The following PPM1F variants were observed in gnomAD, a reference collection of about 807,000 sequenced individuals.
PPM1F encodes protein phosphatase, Mg2+/Mn2+ dependent 1F.
PPM1F carries 17 observed loss-of-function variants against 35.5 expected under a neutral mutation model. That is an observed-to-expected ratio of 0.48 (90% CI 0.33 to 0.72). The LOEUF is 0.72. Among genes scored for constraint, PPM1F ranks in the 30% least tolerant of loss-of-function variants. The probability of loss-of-function intolerance (pLI) is 0.02; values close to 1 mark genes in which losing one functional copy is unlikely to be tolerated. For synonymous variants in PPM1F, 241 were observed against 255.5 expected (o/e 0.94, Z 0.54); for missense variants, 521 against 613.0 (o/e 0.85, Z 1.59).
intron 6 of PPM1F, 69 bp downstream of exon 6, chr22:21,931,079 G>T: frequency 6.3e-7 from 1 of 1,582,578 alleles, no homozygotes; most frequent in Non-Finnish European, 8.6e-7. Flanking sequence ...GGCTGGGTGG[G>T]GTTCCCCTAT....
At chr22:21,935,724 G>T (rs367575072) in intron 3 of PPM1F, 3 of 152,132 alleles carry the variant, frequency 2.0e-5, no homozygotes, top group Non-Finnish European at 4.4e-5. Context: ...CAGGCTGGGC[G>T]CCATGGCTCA....
chr22:21,939,563 GTCC>G lies in PPM1F; in HGVS notation c.321_323del (p.Glu107del), dbSNP rs749703356. ...CAGGGGCCTTTTCCTCCTCGTCATC[GTCC>G]TCCTCCTCTTCTTCTTCCTCCCTGG... On this transcript the variant is annotated inframe_deletion, in exon 3 of 8. Transcript: ENST00000263212. The surrounding 1 kb of genome is among the most constrained non-coding windows in gnomAD (Gnocchi z 5.1). The G allele has an allele frequency of 1.4e-4, 222 of 1,581,938 alleles. 1 individual carries two copies. The highest frequency in any genetic ancestry group is 1.1e-3 in the African/African-American group (80 of 74,546).
intron 3 of PPM1F, chr22:21,938,555 C>A: frequency 1.9e-6 from 2 of 1,046,628 alleles, no homozygotes; most frequent in Non-Finnish European, 2.3e-6. Flanking sequence ...CACGCATGCA[C>A]TAGTAATGCC....
intron 6 of PPM1F, chr22:21,926,171 C>T (rs1455292669): frequency 1.4e-5 from 2 of 145,742 alleles, no homozygotes; most frequent in African/African-American, 2.6e-5. Flanking sequence ...CTCGCTCTGT[C>T]ACCTGGCTGG....
At position 21,931,151 on chromosome 22, in the gene PPM1F, C is replaced by T; in HGVS notation, c.888G>A (p.Arg296=). The T allele has an allele frequency of 6.2e-7, 1 of 1,614,086 alleles. No homozygotes were observed. Among genetic ancestry groups the T allele is most frequent in the Non-Finnish European group, 8.5e-7 (1 of 1,179,964 alleles). Residue 296 remains arginine (R), a synonymous_variant, in exon 6 of 8, where the codon CGG becomes CGA. Transcript: ENST00000263212. ...VKLMEPHRPE[R]QDEKARIEAL... Reference sequence around the variant, plus strand: ...CTGGGCGCAGGGATCCCCTTACCTGCCGTTCTGGTCTGTGTGGCTCCATCA... The same window carrying T: ...CTGGGCGCAGGGATCCCCTTACCTGTCGTTCTGGTCTGTGTGGCTCCATCA...
chr22:21,928,306 G>C (rs968424764), intron 6 of PPM1F, among the ~76,000 whole-genome samples: 7 of 152,184 alleles, frequency 4.6e-5, no homozygotes, highest in Non-Finnish European at 1.0e-4. Flanking sequence ...CCTCTGCGAT[G>C]TCTCCACCTG....
intron 3 of PPM1F, 70 bp from the exon 4 acceptor site, chr22:21,934,296 G>A: frequency 7.3e-7 from 1 of 1,363,626 alleles, no homozygotes; most frequent in Non-Finnish European, 1.0e-6. Flanking sequence ...CTGGCTCCCT[G>A]ACAGCTCCCA....
intron 1 of PPM1F, chr22:21,951,416 T>A (rs1026645647): frequency 7.2e-6 from 1 of 139,658 alleles, no homozygotes; most frequent in African/African-American, 2.7e-5. Flanking sequence ...AGTGCAATGG[T>A]GGGATCTCAG....
chr22:21,933,460 G>T lies in PPM1F; in HGVS notation c.678C>A (p.Asp226Glu). Reference sequence around the variant, plus strand: ...AGGCTTCTCTGAGGGCTCCCTCAGGGTCTGTGGGCAGCTCTGGCTGGCGGG... The same window carrying T: ...AGGCTTCTCTGAGGGCTCCCTCAGGTTCTGTGGGCAGCTCTGGCTGGCGGG... ...NAARQPELPTDPEGALREAFR... is the reference protein window; with the variant it reads ...NAARQPELPTEPEGALREAFR... The change falls in exon 5 of 8, where the codon GAC becomes GAA. Residue 226 changes from aspartate to glutamate, a missense_variant. Around this residue, in one of 3 missense-constraint regions of PPM1F, gnomAD observed 311 missense variants for 351.5 expected, o/e 0.88. Coordinates refer to ENST00000263212, the MANE Select transcript of PPM1F (RefSeq NM_014634.4). 1.2e-6 allele frequency: 2 copies of T among 1,613,568 alleles called. No homozygotes were observed. The highest frequency in any genetic ancestry group is 1.7e-6 in the Non-Finnish European group (2 of 1,180,028).
At position 21,922,273 on chromosome 22, in the gene PPM1F, A is replaced by G. The variant is rs1246738515; in HGVS notation, c.*819T>C. On this transcript the variant is annotated 3_prime_UTR_variant, in exon 8 of 8. Coordinates refer to ENST00000263212, the MANE Select transcript of PPM1F (RefSeq NM_014634.4). ...ATAGCTTTAAAAAAGTAAATACTTA[A>G]GTTTTCTAAAGAATAAAATAAATGC... 1 of 152,612 alleles carries G rather than the reference A, an allele frequency of 6.6e-6. No homozygotes were observed. Among genetic ancestry groups the G allele is most frequent in the Non-Finnish European group, 1.5e-5 (1 of 68,048 alleles). 9.5% of individuals were successfully genotyped at this position (152,612 alleles called of 1,614,324 possible). A position where few individuals can be genotyped will look rare whatever the true frequency, so the allele number is the denominator to read the frequency against.
intron 1 of PPM1F, chr22:21,948,342 A>G (rs1200454614): frequency 6.8e-6 from 1 of 147,146 alleles, no homozygotes; most frequent in African/African-American, 2.5e-5. Context: ...AAGAAAAAAA[A>G]AGAACATAAA....
Position 21,919,875 on chromosome 22 carries a change from TAGGAG to T in PPM1F, c.*3212_*3216del, listed in dbSNP as rs201567641. ...CCCGGTGCCCACGCTGGGCTCACCA[TAGGAG>T]AGGAGAGGAGAGGGAGGGGGCCCCA... On this transcript the variant is annotated 3_prime_UTR_variant, in exon 8 of 8. Transcript: ENST00000263212. The T allele has an allele frequency of 1.4e-3, 208 of 152,452 alleles. 1 individual carries two copies. Among genetic ancestry groups the T allele is most frequent in the African/African-American group, 4.5e-3 (186 of 41,576 alleles). The allele number at this position is 152,452 out of a possible 1,614,324, so 9.4% of individuals were successfully genotyped here.
chr22:21,935,160 T>C (rs965774361), intron 3 of PPM1F: 1 of 152,176 alleles, frequency 6.6e-6, no homozygotes, highest in African/African-American at 2.4e-5. Flanking sequence ...ACCCATACCT[T>C]TGAATACCAC....
rs1257231031 is a variant in PPM1F at position 21,925,286 on chromosome 22, T to C, written c.985+283A>G. 4.8e-6 allele frequency: 2 copies of C among 419,446 alleles called. No individual in the cohort carries two copies. The highest frequency in any genetic ancestry group is 4.0e-5 in the African/African-American group (2 of 49,412). The allele number at this position is 419,446 out of a possible 1,614,324, so 26.0% of individuals were successfully genotyped here. ...ATTTCCGGAATATTGGAAGCTCTAC[T>C]TCCAGCCCATAGGGTGGTGAGCCAC... On this transcript the variant is annotated intron_variant, in intron 7 of 7. Transcript: ENST00000263212.
In PPM1F at chr22:21,922,963, TG is replaced by T. The variant is rs1375823588; in HGVS notation, c.*128del. On this transcript the variant is annotated 3_prime_UTR_variant, in exon 8 of 8. Transcript: ENST00000263212. Reference sequence around the variant, plus strand: ...CTGCGGGGGGTGTCCCGACTGGCTCTGGGGTGCTGGGGAAAGCACTGTGGGG... The same window carrying T: ...CTGCGGGGGGTGTCCCGACTGGCTCTGGGTGCTGGGGAAAGCACTGTGGGG... 4.0e-6 allele frequency: 5 copies of T among 1,263,176 alleles called. No individual in the cohort carries two copies. Among genetic ancestry groups the T allele is most frequent in the African/African-American group, 3.0e-5 (2 of 66,690 alleles). 78.2% of individuals were successfully genotyped at this position (1,263,176 alleles called of 1,614,324 possible).
intron 5 of PPM1F, among the ~76,000 whole-genome samples, chr22:21,932,507 C>T (rs910944510): frequency 2.0e-5 from 3 of 152,170 alleles, no homozygotes; most frequent in Non-Finnish European, 2.9e-5. Context: ...CTGGTGTCTT[C>T]TCACTGGGGC....
At chr22:21,924,050 A>G (rs2070480930) in intron 7 of PPM1F, among the ~76,000 whole-genome samples, 3 of 151,986 alleles carry the variant, frequency 2.0e-5, no homozygotes, top group Non-Finnish European at 1.5e-5. Flanking sequence ...GTGTCCAGAG[A>G]CACAAGGAAA....
chr22:21,923,526 C>T, intron 7 of PPM1F, 55 bp from the exon 8 acceptor site: 1 of 1,536,610 alleles, frequency 6.5e-7, no homozygotes, highest in African/African-American at 1.4e-5. Context: ...ACAGCTTCCT[C>T]CCCACCTACC....
intron 7 of PPM1F, 23 bp from the exon 8 acceptor site, chr22:21,923,494 G>A (rs375631872): frequency 4.8e-5 from 76 of 1,575,654 alleles, no homozygotes; most frequent in Admixed American, 5.2e-5. Flanking sequence ...AGAAGAGCCC[G>A]GGTCAGAGGA....
Sources: allele counts gnomAD v4.1 joint callset (sites outside exome capture counted in the v4.1 genomes callset), GRCh38; gene constraint gnomAD v4.1.1; regional missense constraint gnomAD v4.1.1; non-coding constraint Gnocchi (gnomAD v3.1); transcripts MANE v1.5; gene names NCBI Gene and HGNC (gene_info 2026-07-23, HGNC 2026-07-21).